GPC6: variants seen among roughly 807,000 people sequenced by gnomAD.
GPC6 encodes glypican 6, also known as glypican-6.
GPC6 carries 14 observed loss-of-function variants against 55.2 expected under a neutral mutation model. That is an observed-to-expected ratio of 0.25 (90% CI 0.17 to 0.40). The LOEUF (loss-of-function observed/expected upper bound fraction) is 0.40, where lower values mean the gene tolerates loss of function less well. GPC6 is among the 10% of genes least tolerant of loss of function. GPC6 has a pLI of 1.00. For missense variants in GPC6, 641 were observed against 708.5 expected (o/e 0.90, Z 1.08); for synonymous variants, 278 against 259.6 (o/e 1.07, Z -0.68).
chr13:93,971,352 A>G (rs565848994), intron 3 of GPC6, among the ~76,000 whole-genome samples: 1 of 152,224 alleles, frequency 6.6e-6, no homozygotes, highest in Non-Finnish European at 1.5e-5. Flanking sequence ...GAACTTTGGA[A>G]GTTTCTTTTA....
intron 2 of GPC6, among the ~76,000 whole-genome samples, chr13:93,639,239 C>G (rs113530730): frequency 4.5e-4 from 68 of 152,186 alleles, no homozygotes; most frequent in African/African-American, 1.5e-3. Context: ...CTGGAGCCCA[C>G]AGTATCCTGG....
At chr13:94,332,754 A>G (rs1877491187) in intron 6 of GPC6, among the ~76,000 whole-genome samples, 1 of 152,262 alleles carries the variant, frequency 6.6e-6, no homozygotes, top group Admixed American at 6.5e-5. Flanking sequence ...TTTTATAAAC[A>G]AAATCAGTTT....
chr13:93,392,144 C>G (rs2139219016), intron 1 of GPC6, among the ~76,000 whole-genome samples: 1 of 152,276 alleles, frequency 6.6e-6, no homozygotes, highest in Non-Finnish European at 1.5e-5. Flanking sequence ...TCTCTGTCTT[C>G]ATTGTATCCT....
At chr13:94,124,746 G>C (rs1886748776) in intron 4 of GPC6, among the ~76,000 whole-genome samples, 1 of 152,056 alleles carries the variant, frequency 6.6e-6, no homozygotes, top group African/African-American at 2.4e-5. Context: ...AATTTGTAGA[G>C]ACAGAGATTG....
intron 2 of GPC6, among the ~76,000 whole-genome samples, chr13:93,558,915 C>T (rs1016340341): frequency 5.3e-5 from 8 of 152,066 alleles, no homozygotes; most frequent in Non-Finnish European, 1.0e-4. Context: ...ACAGTGTGCT[C>T]CTGAGAGTCT....
At chr13:93,872,603 C>T (rs561533991) in intron 3 of GPC6, among the ~76,000 whole-genome samples, 63 of 151,968 alleles carry the variant, frequency 4.1e-4, no homozygotes, top group Middle Eastern at 3.4e-3. Flanking sequence ...GCCCTTGGCT[C>T]GTGCCTTTTT....
intron 4 of GPC6, among the ~76,000 whole-genome samples, chr13:94,090,030 A>G (rs1365312209): frequency 1.3e-5 from 2 of 151,984 alleles, no homozygotes; most frequent in Non-Finnish European, 2.9e-5. Context: ...TATATGTGTT[A>G]GTCCATTTTC....
At chr13:93,345,493 A>G (rs1262730920) in intron 1 of GPC6, among the ~76,000 whole-genome samples, 1 of 152,122 alleles carries the variant, frequency 6.6e-6, no homozygotes, top group East Asian at 1.9e-4. Flanking sequence ...AAAAAACTCT[A>G]AATGAATGAA....
intron 2 of GPC6, among the ~76,000 whole-genome samples, chr13:93,817,701 A>G (rs932337309): frequency 6.6e-6 from 1 of 151,970 alleles, no homozygotes; most frequent in South Asian, 2.1e-4. Context: ...TCTGCAAAAA[A>G]TACAAAAATT....
chr13:94,076,532 T>G (rs1329780965), intron 4 of GPC6, among the ~76,000 whole-genome samples: 2 of 151,982 alleles, frequency 1.3e-5, no homozygotes, highest in African/African-American at 4.8e-5. Flanking sequence ...GCTTTGGGTT[T>G]GATATCCAAA....
At chr13:93,979,459 T>A (rs778443539) in intron 3 of GPC6, among the ~76,000 whole-genome samples, 2 of 152,036 alleles carry the variant, frequency 1.3e-5, no homozygotes, top group Admixed American at 6.6e-5. Flanking sequence ...TGCTTTTTTT[T>A]AATTCCTGGC....
rs9556281 is a variant in GPC6 at position 93,332,915 on chromosome 13, A to C, written c.160+105299A>C. 2.1e-3 allele frequency among the ~76,000 whole-genome samples: 319 copies of C among 152,298 alleles called. 9 individuals carry two copies. The East Asian group carries it at 0.058, about 28-fold the overall frequency. ...AGACATGGGGGTTTCATTCTTTTGC[A>C]TATAGATATCCAGTGTTCCCAGAAC... On this transcript the variant is annotated intron_variant, in intron 1 of 8. Coordinates refer to ENST00000377047, the MANE Select transcript of GPC6 (RefSeq NM_005708.5).
intron 3 of GPC6, among the ~76,000 whole-genome samples, chr13:93,857,058 A>G (rs1888644194): frequency 6.6e-6 from 1 of 151,684 alleles, no homozygotes; most frequent in African/African-American, 2.4e-5. Flanking sequence ...CATATCACTT[A>G]TTTAGTACCA....
intron 2 of GPC6, among the ~76,000 whole-genome samples, chr13:93,556,156 T>C (rs951103258): frequency 6.6e-6 from 1 of 152,110 alleles, no homozygotes; most frequent in Non-Finnish European, 1.5e-5. Context: ...CTTTTGCAGA[T>C]GTATACTGTG....
chr13:94,211,750 C>T (rs1300141992), intron 4 of GPC6, among the ~76,000 whole-genome samples: 1 of 152,206 alleles, frequency 6.6e-6, no homozygotes, highest in Admixed American at 6.5e-5. Flanking sequence ...ACCACAAGCT[C>T]AGAATCGGTC....
intron 2 of GPC6, among the ~76,000 whole-genome samples, chr13:93,547,722 G>C (rs562808522): frequency 2.0e-5 from 3 of 150,062 alleles, no homozygotes; most frequent in African/African-American, 7.3e-5. Flanking sequence ...CAGCCAGAGT[G>C]GGAAAAAAAA....
At chr13:93,592,888 A>G (rs1232377676) in intron 2 of GPC6, among the ~76,000 whole-genome samples, 2 of 146,348 alleles carry the variant, frequency 1.4e-5, no homozygotes, top group African/African-American at 5.1e-5. Flanking sequence ...ATTAAAGAAT[A>G]ATTAAAGTTT....
At chr13:93,383,588 T>C (rs190141408) in intron 1 of GPC6, among the ~76,000 whole-genome samples, 335 of 152,298 alleles carry the variant, frequency 2.2e-3, no homozygotes, top group African/African-American at 7.6e-3. Context: ...CCATTACTTA[T>C]GTGTAGTTTA....
At chr13:93,922,046 G>A (rs1873379209) in intron 3 of GPC6, among the ~76,000 whole-genome samples, 1 of 151,982 alleles carries the variant, frequency 6.6e-6, no homozygotes, top group South Asian at 2.1e-4. Flanking sequence ...AAAATATTTT[G>A]AACTTGCATA....
Sources: gnomAD v4.1 joint callset for allele counts (sites outside exome capture counted in the v4.1 genomes callset) on GRCh38, gnomAD v4.1.1 for gene constraint, MANE v1.5 for transcripts, NCBI Gene and HGNC (gene_info 2026-07-23, HGNC 2026-07-21) for gene names.